RGS7: variants seen among roughly 807,000 people sequenced by gnomAD.
RGS7 encodes the protein regulator of G-protein signaling 7.
In RGS7, 27 loss-of-function variants were observed where a neutral mutation model predicts 81.1. That is an observed-to-expected ratio of 0.33 (90% CI 0.25 to 0.46). RGS7 has a LOEUF of 0.46. RGS7 is among the 20% of genes least tolerant of loss of function. RGS7 has a pLI of 1.00. For synonymous variants in RGS7, 208 were observed against 207.7 expected, an observed-to-expected ratio of 1.00 and a Z score of -0.01; for missense variants, 396 against 607.4, an observed-to-expected ratio of 0.65 and a Z score of 3.66.
At chr1:240,938,947 G>A (rs1205250353) in intron 4 of RGS7, among the ~76,000 whole-genome samples, 2 of 152,018 alleles carry the variant, frequency 1.3e-5, no homozygotes, top group South Asian at 2.1e-4. Flanking sequence ...TAAAACTTTA[G>A]TGCCAGGGTG....
chr1:241,067,900 G>A (rs1365415574), intron 3 of RGS7, among the ~76,000 whole-genome samples: 1 of 145,010 alleles, frequency 6.9e-6, no homozygotes, highest in South Asian at 2.1e-4. Context: ...AAAAATTTAT[G>A]TTTTCTAACT....
At chr1:241,180,344 C>T (rs1263600724) in intron 2 of RGS7, among the ~76,000 whole-genome samples, 1 of 151,994 alleles carries the variant, frequency 6.6e-6, no homozygotes, top group Non-Finnish European at 1.5e-5. Flanking sequence ...CACTGCACTC[C>T]AGCCTGGGCA....
chr1:240,914,183 G>A (rs1299813400), intron 6 of RGS7, among the ~76,000 whole-genome samples: 2 of 151,458 alleles, frequency 1.3e-5, no homozygotes, highest in African/African-American at 4.9e-5. Context: ...AACACTCATC[G>A]ATTATGATAG....
At chr1:241,265,132 C>T (rs1043014262) in intron 2 of RGS7, among the ~76,000 whole-genome samples, 1 of 152,234 alleles carries the variant, frequency 6.6e-6, no homozygotes, top group Non-Finnish European at 1.5e-5. Context: ...CCCACATCCC[C>T]TGATTGTTCA....
intron 3 of RGS7, among the ~76,000 whole-genome samples, chr1:241,087,944 ATCTCTCTCTCTCTCTC>A (rs574047844): frequency 8.6e-6 from 1 of 116,108 alleles, no homozygotes; most frequent in African/African-American, 4.0e-5. Context: ...GCAAGACTCC[ATCTCTCTCTCTCTCTC>A]TCTCTCTCTC....
intron 2 of RGS7, among the ~76,000 whole-genome samples, chr1:241,156,132 TGATAGATAGATAGATA>T (rs72097170): frequency 1.7e-4 from 25 of 147,020 alleles, no homozygotes; most frequent in East Asian, 1.6e-3. Context: ...AGATAAATGA[TGATAGATAGATAGATA>T]GATAGATAGA....
rs189264891 is a variant in RGS7, at chr1:241,242,368, C to T, written c.78+113331G>A. ...TAGATAGATACAATTTCTTTATCCACTTGTTGATTGATAGGCATTTGGGTT... is the reference window on the plus strand; with the variant it reads ...TAGATAGATACAATTTCTTTATCCATTTGTTGATTGATAGGCATTTGGGTT... On this transcript the variant is annotated intron_variant, in intron 2 of 18. Coordinates refer to ENST00000440928, the MANE Select transcript of RGS7 (RefSeq NM_001364886.1). Among the ~76,000 whole-genome samples the T allele has an allele frequency of 1.0e-4, 14 of 139,504 alleles. No homozygotes were observed. The East Asian group carries it at 2.6e-3, about 26-fold the overall frequency. 91.5% of individuals were successfully genotyped at this position (139,504 alleles called of 152,430 possible).
At chr1:241,098,613 G>T (rs2102884218) in intron 3 of RGS7, 53 bp downstream of exon 3, 1 of 1,188,230 alleles carries the variant, frequency 8.4e-7, no homozygotes. Context: ...CAGTTTTAAA[G>T]AGTTATCTAA....
At chr1:240,807,596 T>C (rs1398314359) in intron 14 of RGS7, among the ~76,000 whole-genome samples, 2 of 152,210 alleles carry the variant, frequency 1.3e-5, no homozygotes, top group Non-Finnish European at 2.9e-5. Flanking sequence ...TTCCAGATTT[T>C]GTTTTTTTAT....
intron 6 of RGS7, among the ~76,000 whole-genome samples, chr1:240,874,967 G>A (rs1233158699): frequency 2.0e-5 from 3 of 151,886 alleles, no homozygotes; most frequent in South Asian, 2.1e-4. Flanking sequence ...GCTTGAACCC[G>A]GGAGGCGGGG....
chr1:241,335,688 AAC>A (rs112464128), intron 2 of RGS7, among the ~76,000 whole-genome samples: 55 of 150,392 alleles, frequency 3.7e-4, no homozygotes, highest in African/African-American at 9.5e-4. Flanking sequence ...AAGATTTTAA[AAC>A]ACACACACAC....
At chr1:240,883,475 T>G (rs368697569) in intron 6 of RGS7, among the ~76,000 whole-genome samples, 39 of 152,326 alleles carry the variant, frequency 2.6e-4, no homozygotes, top group African/African-American at 8.9e-4. Flanking sequence ...CAAATGTACT[T>G]TCTTCATCTC....
chr1:240,920,861 A>G (rs776526375), intron 6 of RGS7, among the ~76,000 whole-genome samples: 1 of 152,120 alleles, frequency 6.6e-6, no homozygotes, highest in African/African-American at 2.4e-5. Flanking sequence ...GCATTCCAAC[A>G]AAGGGTCTTA....
chr1:240,886,825 G>T (rs1174563528), intron 6 of RGS7, among the ~76,000 whole-genome samples: 1 of 152,120 alleles, frequency 6.6e-6, no homozygotes, highest in Non-Finnish European at 1.5e-5. Flanking sequence ...TTGCTTAATT[G>T]TCTGATCCTC....
intron 3 of RGS7, among the ~76,000 whole-genome samples, chr1:241,071,461 C>A (rs569519953): frequency 2.0e-5 from 3 of 148,638 alleles, no homozygotes; most frequent in African/African-American, 7.4e-5. Context: ...AATATAATTA[C>A]AAATAAGTAA....
At chr1:241,235,581 TTCTC>T (rs376901857) in intron 2 of RGS7, among the ~76,000 whole-genome samples, 1 of 151,956 alleles carries the variant, frequency 6.6e-6, no homozygotes, top group African/African-American at 2.4e-5. Flanking sequence ...TTTCTTTTCT[TTCTC>T]TTTCTTTCTT....
At chr1:241,169,237 T>C (rs967841270) in intron 2 of RGS7, among the ~76,000 whole-genome samples, 7 of 152,118 alleles carry the variant, frequency 4.6e-5, no homozygotes, top group African/African-American at 1.7e-4. Context: ...TATCTATATG[T>C]GTATGTTCCT....
chr1:241,297,035 A>C (rs1211379370), intron 2 of RGS7, among the ~76,000 whole-genome samples: 1 of 152,158 alleles, frequency 6.6e-6, no homozygotes, highest in Non-Finnish European at 1.5e-5. Context: ...TCCTGTAAAG[A>C]CAAACTTGCT....
intron 9 of RGS7, among the ~76,000 whole-genome samples, chr1:240,833,815 T>A (rs2147839438): frequency 6.6e-6 from 1 of 152,286 alleles, no homozygotes; most frequent in Middle Eastern, 3.4e-3. Context: ...ACTTTTTTTT[T>A]TTTGGCCCAG....
Sources: gnomAD v4.1 joint callset for allele counts (sites outside exome capture counted in the v4.1 genomes callset) on GRCh38, gnomAD v4.1.1 for gene constraint, MANE v1.5 for transcripts, NCBI Gene and HGNC (gene_info 2026-07-23, HGNC 2026-07-21) for gene names.